Variants in COMMD1 observed in about 807,000 individuals in gnomAD.
The protein encoded by COMMD1 is copper metabolism domain containing 1.
Under a neutral mutation model 17.2 loss-of-function variants are expected in COMMD1, and 10 were observed. That is an observed-to-expected ratio of 0.58 (90% CI 0.36 to 0.99). COMMD1 has a LOEUF of 0.99. Ranked by LOEUF, COMMD1 falls within the 50% of genes least tolerant of loss-of-function variation. The pLI, the probability that COMMD1 is intolerant of heterozygous loss-of-function variation, is 0.01. For missense variants in COMMD1, 270 were observed against 231.8 expected (o/e 1.17, Z -1.07); for synonymous variants, 97 against 91.6 (o/e 1.06, Z -0.34).
At chr2:62,063,651 C>T (rs1004394906) in intron 2 of COMMD1, among the ~76,000 whole-genome samples, 59 of 151,766 alleles carry the variant, frequency 3.9e-4, no homozygotes, top group African/African-American at 1.2e-3. Flanking sequence ...GTACTTTTGA[C>T]CTGCATGTTT....
intron 1 of COMMD1, among the ~76,000 whole-genome samples, chr2:61,941,183 A>C (rs191351457): frequency 7.7e-4 from 117 of 150,974 alleles, no homozygotes; most frequent in Non-Finnish European, 1.5e-3. Context: ...ACTTGCCACC[A>C]TGTCTGGCTA....
chr2:62,019,935 A>G (rs1339923567), intron 2 of COMMD1, among the ~76,000 whole-genome samples: 1 of 152,202 alleles, frequency 6.6e-6, no homozygotes, highest in African/African-American at 2.4e-5. Flanking sequence ...AATCTCTACA[A>G]TACACTCTTC....
At chr2:62,055,349 C>T (rs766362671) in intron 2 of COMMD1, 26 of 444,044 alleles carry the variant, frequency 5.9e-5, no homozygotes, top group Non-Finnish European at 1.0e-4. Context: ...GGGAAAGACC[C>T]AATGATGAGA....
intron 2 of COMMD1, among the ~76,000 whole-genome samples, chr2:62,052,831 T>C (rs1232459811): frequency 6.6e-6 from 1 of 152,116 alleles, no homozygotes; most frequent in Non-Finnish European, 1.5e-5. Flanking sequence ...TCCCATCACT[T>C]TGGGAGGTTA....
At chr2:61,964,034 A>G (rs958021718) in intron 1 of COMMD1, among the ~76,000 whole-genome samples, 2 of 152,186 alleles carry the variant, frequency 1.3e-5, no homozygotes, top group African/African-American at 4.8e-5. Flanking sequence ...TGTTTTCCAA[A>G]ATCCAACAGA....
chr2:62,084,648 G>A (rs868510052), intron 2 of COMMD1, among the ~76,000 whole-genome samples: 21 of 152,050 alleles, frequency 1.4e-4, no homozygotes, highest in South Asian at 2.1e-4. Flanking sequence ...TTTGTAATGA[G>A]GTAAAAATAT....
intron 2 of COMMD1, chr2:62,079,800 T>C (rs549698884): frequency 1.3e-5 from 2 of 152,338 alleles, no homozygotes; most frequent in East Asian, 3.9e-4. Flanking sequence ...GGCAAAATTC[T>C]CTCTGCTGGT....
chr2:62,123,679 G>A (rs1672814267), intron 2 of COMMD1, among the ~76,000 whole-genome samples: 1 of 151,842 alleles, frequency 6.6e-6, no homozygotes, highest in Non-Finnish European at 1.5e-5. Context: ...GTAAGGAGAA[G>A]GATTTGCCTT....
chr2:61,899,301 T>G (rs529024920), intron 1 of COMMD1, among the ~76,000 whole-genome samples: 3 of 152,218 alleles, frequency 2.0e-5, no homozygotes, highest in Non-Finnish European at 2.9e-5. Flanking sequence ...AAGTTGAGAC[T>G]GAGAAAATTC....
chr2:62,052,097 A>G (rs2103919894), intron 2 of COMMD1, among the ~76,000 whole-genome samples: 1 of 152,312 alleles, frequency 6.6e-6, no homozygotes, highest in Middle Eastern at 3.4e-3. Flanking sequence ...TACCTATTGT[A>G]TCAGTTGGGA....
chr2:62,133,841 T>C (rs771965017), intron 2 of COMMD1, among the ~76,000 whole-genome samples: 3 of 152,158 alleles, frequency 2.0e-5, no homozygotes, highest in Non-Finnish European at 4.4e-5. Context: ...TCTTTTTTTT[T>C]GAGACAAGGT....
intron 1 of COMMD1, among the ~76,000 whole-genome samples, chr2:61,920,586 G>T (rs1237547177): frequency 6.6e-6 from 1 of 151,970 alleles, no homozygotes; most frequent in Non-Finnish European, 1.5e-5. Flanking sequence ...GCTTCATTAT[G>T]GGTAATTTTT....
In COMMD1 at chr2:62,020,845, C is replaced by CA. The variant is rs576661017; in HGVS notation, c.462+19871dup. ...AGAAACCCCATCTCTACTAAAAATA[C>CA]AAAAAAAATTAGCCAGGCGTCATGG... On this transcript the variant is annotated intron_variant, in intron 2 of 2. Transcript: ENST00000311832. 2.1e-3 allele frequency among the ~76,000 whole-genome samples: 317 copies of CA among 151,790 alleles called. 1 individual carries two copies. The highest frequency in any genetic ancestry group is 3.7e-3 in the Non-Finnish European group (252 of 67,886).
chr2:62,082,497 C>A (rs1052852680), intron 2 of COMMD1, among the ~76,000 whole-genome samples: 19 of 152,246 alleles, frequency 1.2e-4, no homozygotes, highest in South Asian at 2.1e-4. Flanking sequence ...GCTCTCCCAG[C>A]GACGTTGGAA....
At chr2:61,925,541 G>A (rs1203090832) in intron 1 of COMMD1, among the ~76,000 whole-genome samples, 1 of 152,152 alleles carries the variant, frequency 6.6e-6, no homozygotes, top group Non-Finnish European at 1.5e-5. Flanking sequence ...TGTGGGGTCT[G>A]GATGGTTTGT....
intron 1 of COMMD1, chr2:61,918,672 A>G (rs1328265115): frequency 6.6e-6 from 1 of 152,214 alleles, no homozygotes; most frequent in African/African-American, 2.4e-5. Flanking sequence ...TTAAATACAT[A>G]CTAAACCCCT....
rs533597158 is a variant in COMMD1, at chr2:62,057,280, C to A, written c.462+56298C>A. ...GCCAAAAAGGTTGGGGACCACTGACCTGGATTATGTATATAATCTCATAGC... is the reference window on the plus strand; with the variant it reads ...GCCAAAAAGGTTGGGGACCACTGACATGGATTATGTATATAATCTCATAGC... On this transcript the variant is annotated intron_variant, in intron 2 of 2. Transcript: ENST00000311832. Among the ~76,000 whole-genome samples the A allele has an allele frequency of 1.1e-4, 16 of 152,232 alleles. No individual in the cohort carries two copies. In the South Asian group the frequency reaches 1.5e-3, roughly 14 times the overall value.
intron 2 of COMMD1, among the ~76,000 whole-genome samples, chr2:62,009,215 A>C (rs186348169): frequency 6.6e-6 from 1 of 152,342 alleles, no homozygotes; most frequent in East Asian, 1.9e-4. Context: ...GAAGTGTTCC[A>C]TAATAGTTTG....
At chr2:62,054,338 T>C (rs1670627853) in intron 2 of COMMD1, among the ~76,000 whole-genome samples, 1 of 152,228 alleles carries the variant, frequency 6.6e-6, no homozygotes, top group Non-Finnish European at 1.5e-5. Context: ...GCAGTGCCAC[T>C]ACTGGGTATC....
Sources: allele counts gnomAD v4.1 joint callset (sites outside exome capture counted in the v4.1 genomes callset), GRCh38; gene constraint gnomAD v4.1.1; transcripts MANE v1.5; gene names NCBI Gene and HGNC (gene_info 2026-07-23, HGNC 2026-07-21).